DZIP3: variants seen among roughly 807,000 people sequenced by gnomAD.
DZIP3 encodes E3 ubiquitin-protein ligase DZIP3.
In DZIP3, 118 loss-of-function variants were observed where a neutral mutation model predicts 162.0. The ratio of observed to expected loss-of-function variants is 0.73; its 90% CI spans 0.63 to 0.85. DZIP3 has a LOEUF of 0.85. Ranked by LOEUF, DZIP3 falls within the 40% of genes least tolerant of loss-of-function variation. The probability of loss-of-function intolerance (pLI) is 0.00; values close to 1 mark genes in which losing one functional copy is unlikely to be tolerated. For synonymous variants in DZIP3, 438 were observed against 458.6 expected (o/e 0.96, Z 0.57); for missense variants, 1,331 against 1,407.0 (o/e 0.95, Z 0.86).
chr3:108,598,805 G>A (rs899526432), intron 1 of DZIP3, among the ~76,000 whole-genome samples: 1 of 152,154 alleles, frequency 6.6e-6, no homozygotes, highest in Admixed American at 6.5e-5. Context: ...CTTAGGGGTA[G>A]CATATGCTTC....
intron 2 of DZIP3, among the ~76,000 whole-genome samples, chr3:108,607,210 G>T (rs1162840043): frequency 6.6e-6 from 1 of 152,064 alleles, no homozygotes; most frequent in African/African-American, 2.4e-5. Context: ...TTCACTAGAA[G>T]TTTGAAAATG....
chr3:108,642,399 T>A (rs1035977223), intron 12 of DZIP3, 39 bp from the exon 13 acceptor site: 1 of 1,449,776 alleles, frequency 6.9e-7, no homozygotes, highest in Non-Finnish European at 9.3e-7. Context: ...TTTGGTATTA[T>A]TTTATTTCCA....
intron 22 of DZIP3, among the ~76,000 whole-genome samples, chr3:108,670,065 G>A (rs940293295): frequency 2.0e-5 from 3 of 151,884 alleles, no homozygotes; most frequent in African/African-American, 2.4e-5. Flanking sequence ...TATTAGATGT[G>A]ACTGCTTTAT....
chr3:108,688,342 G>A (rs1017882018), intron 29 of DZIP3, among the ~76,000 whole-genome samples: 1 of 152,154 alleles, frequency 6.6e-6, no homozygotes, highest in Non-Finnish European at 1.5e-5. Context: ...TTCTTTGAAT[G>A]AGTCTAAAGA....
intron 3 of DZIP3, among the ~76,000 whole-genome samples, chr3:108,609,780 G>T (rs556507086): frequency 6.6e-6 from 1 of 152,360 alleles, no homozygotes; most frequent in Non-Finnish European, 1.5e-5. Flanking sequence ...GGTCAAGGCT[G>T]CAGTGAGCCG....
intron 9 of DZIP3, among the ~76,000 whole-genome samples, chr3:108,633,326 T>C (rs981019808): frequency 5.3e-5 from 8 of 152,016 alleles, no homozygotes; most frequent in African/African-American, 1.7e-4. Context: ...TTCACATGCA[T>C]CTGAAGTTAT....
chr3:108,616,406 A>AT (rs5851599), intron 4 of DZIP3, 135 bp from the exon 5 acceptor site: 227,120 of 438,382 alleles, frequency 0.52, 39,299 homozygotes, highest in East Asian at 0.66. Flanking sequence ...GTTGGTATGG[A>AT]TTTTTTTTTT....
intron 14 of DZIP3, 150 bp from the exon 15 acceptor site, chr3:108,646,467 A>G: frequency 3.1e-6 from 2 of 651,104 alleles, no homozygotes; most frequent in Non-Finnish European, 5.5e-6. Context: ...TGCCTTGTCT[A>G]AACTGGATTG....
At chr3:108,641,610 G>A (rs1380311709) in intron 12 of DZIP3, among the ~76,000 whole-genome samples, 1 of 152,134 alleles carries the variant, frequency 6.6e-6, no homozygotes, top group African/African-American at 2.4e-5. Flanking sequence ...ACTAGCTTTT[G>A]CCAAATTGTT....
At position 108,647,888 on chromosome 3, in the gene DZIP3, A is replaced by G. The variant is rs1262812305; in HGVS notation, c.1793-55A>G. The stretch of plus-strand genomic sequence containing the variant: ...TTTGGGCAAACATTATAACATTGAT[A>G]AGAAGCTGAAATTGCTTTCATCTAG... On this transcript the variant is annotated intron_variant, in intron 15 of 32. Coordinates refer to ENST00000361582, the MANE Select transcript of DZIP3 (RefSeq NM_014648.4). 53 of 1,390,270 alleles carry G rather than the reference A, an allele frequency of 3.8e-5. No homozygotes were observed. The South Asian group carries it at 8.3e-4, about 22-fold the overall frequency. 86.1% of individuals were successfully genotyped at this position (1,390,270 alleles called of 1,614,324 possible). A position where few individuals can be genotyped will look rare whatever the true frequency, so the allele number is the denominator to read the frequency against.
chr3:108,622,280 A>G (rs549713089), intron 5 of DZIP3, among the ~76,000 whole-genome samples: 4 of 152,290 alleles, frequency 2.6e-5, no homozygotes, highest in South Asian at 2.1e-4. Flanking sequence ...TAGCATGTCA[A>G]TTGCTTTTTT....
rs1939606006 is a variant in DZIP3 at position 108,594,510 on chromosome 3, G to C, written c.-73+4671G>C. Among the ~76,000 whole-genome samples the C allele has an allele frequency of 2.0e-5, 3 of 147,128 alleles. 1 individual carries two copies. In the South Asian group the frequency reaches 6.5e-4, roughly 32 times the overall value. On this transcript the variant is annotated intron_variant, in intron 1 of 32. Transcript: ENST00000361582. Reference sequence around the variant, plus strand: ...GTTACATAGGTAAACTTGTGTCATGGGAGTTTGTTGTACAGATGACTTCAT... The same window carrying C: ...GTTACATAGGTAAACTTGTGTCATGCGAGTTTGTTGTACAGATGACTTCAT...
intron 17 of DZIP3, among the ~76,000 whole-genome samples, 179 bp downstream of exon 17, chr3:108,649,141 C>T (rs1479498834): frequency 1.3e-5 from 2 of 151,578 alleles, no homozygotes; most frequent in East Asian, 1.9e-4. Flanking sequence ...TTTTGAAGTA[C>T]GAAATACAAT....
intron 8 of DZIP3, among the ~76,000 whole-genome samples, chr3:108,629,774 C>T (rs1309358633): frequency 1.3e-5 from 2 of 151,196 alleles, no homozygotes; most frequent in Non-Finnish European, 3.0e-5. Flanking sequence ...CCATATTATA[C>T]AATGCGATTT....
Position 108,636,667 on chromosome 3 carries a change from A to G in DZIP3, c.970A>G (p.Arg324Gly). The G allele has an allele frequency of 6.3e-7, 1 of 1,586,308 alleles. No homozygotes were observed. Among genetic ancestry groups the G allele is most frequent in the Admixed American group, 1.8e-5 (1 of 54,188 alleles). Reference protein sequence around the residue: ...LKEGCTGDMVRMLQCDVPGIV... With the variant: ...LKEGCTGDMVGMLQCDVPGIV... ...GGAAGGATGTACAGGTGACATGGTA[A>G]GGATGCTGCAATGTGATGTACCTGG... The change falls in exon 11 of 33, where the codon AGG (arginine) becomes GGG (glycine). Residue 324 changes from arginine (R) to glycine (G), a missense_variant. Arg to Gly is a moderately radical substitution (Grantham distance 125). Coordinates refer to ENST00000361582, the MANE Select transcript of DZIP3 (RefSeq NM_014648.4).
intron 26 of DZIP3, among the ~76,000 whole-genome samples, chr3:108,681,322 T>C (rs997606367): frequency 3.3e-5 from 5 of 151,832 alleles, no homozygotes; most frequent in Admixed American, 6.6e-5. Context: ...AACAAACATA[T>C]GAAAAAAAGC....
chr3:108,652,069 G>A lies in DZIP3; in HGVS notation c.2033+907G>A, dbSNP rs142084231. On this transcript the variant is annotated intron_variant, in intron 18 of 32. Coordinates refer to ENST00000361582, the MANE Select transcript of DZIP3 (RefSeq NM_014648.4). Reference sequence around the variant, plus strand: ...TTTTGTTTTGTTTTGTTTTTAGGCTGTGTCTAAATGCCATAAATATAGCGT... The same window carrying A: ...TTTTGTTTTGTTTTGTTTTTAGGCTATGTCTAAATGCCATAAATATAGCGT... Among the ~76,000 whole-genome samples, 796 of 151,862 alleles carry A rather than the reference G, an allele frequency of 5.2e-3. 5 individuals carry two copies. The highest frequency in any genetic ancestry group is 0.015 in the African/African-American group (622 of 41,514).
Position 108,635,971 on chromosome 3 carries a change from T to A in DZIP3, c.919-645T>A, listed in dbSNP as rs115718461. Among the ~76,000 whole-genome samples, 589 of 152,006 alleles carry A rather than the reference T, an allele frequency of 3.9e-3. 2 individuals are homozygous for A. The highest frequency in any genetic ancestry group is 0.013 in the African/African-American group (557 of 41,544). On this transcript the variant is annotated intron_variant, in intron 10 of 32. Coordinates refer to ENST00000361582, the MANE Select transcript of DZIP3 (RefSeq NM_014648.4). Reference sequence around the variant, plus strand: ...GTTTTATTATATTAGACTGGTAACTTAATTGCCCAGAGACTAATTTTTTTA... The same window carrying A: ...GTTTTATTATATTAGACTGGTAACTAAATTGCCCAGAGACTAATTTTTTTA...
intron 12 of DZIP3, among the ~76,000 whole-genome samples, chr3:108,638,260 ATCTT>A (rs1942245755): frequency 6.6e-6 from 1 of 152,146 alleles, no homozygotes; most frequent in East Asian, 1.9e-4. Context: ...TGGACTCATG[ATCTT>A]TCTTTCTAAC....
Sources: allele counts gnomAD v4.1 joint callset (sites outside exome capture counted in the v4.1 genomes callset), GRCh38; gene constraint gnomAD v4.1.1; transcripts MANE v1.5; gene names NCBI Gene and HGNC (gene_info 2026-07-23, HGNC 2026-07-21).